Variants in KCNQ5 observed in about 807,000 individuals in gnomAD.
The protein encoded by KCNQ5 is potassium voltage-gated channel subfamily Q member 5.
KCNQ5 carries 30 observed loss-of-function variants against 98.2 expected under a neutral mutation model. The ratio of observed to expected loss-of-function variants is 0.31; its 90% CI spans 0.23 to 0.41. The LOEUF (loss-of-function observed/expected upper bound fraction) is 0.41. Ranked by LOEUF, KCNQ5 falls within the 10% of genes least tolerant of loss-of-function variation. The pLI, the probability that KCNQ5 is intolerant of heterozygous loss-of-function variation, is 1.00. For synonymous variants in KCNQ5, 458 were observed against 449.4 expected (o/e 1.02, Z -0.24); for missense variants, 835 against 1,182.5 (o/e 0.71, Z 4.31).
At chr6:72,740,182 A>G (rs532295127) in intron 1 of KCNQ5, among the ~76,000 whole-genome samples, 1 of 152,186 alleles carries the variant, frequency 6.6e-6, no homozygotes, top group African/African-American at 2.4e-5. Context: ...TTTTTCAACT[A>G]TCTTCAGTTC....
chr6:72,794,982 A>G (rs1457505465), intron 1 of KCNQ5, among the ~76,000 whole-genome samples: 2 of 152,194 alleles, frequency 1.3e-5, no homozygotes, highest in Non-Finnish European at 2.9e-5. Context: ...GCATAGCTAG[A>G]TACAAGGAAT....
chr6:73,052,436 G>C (rs775407351), intron 3 of KCNQ5, among the ~76,000 whole-genome samples: 3 of 152,130 alleles, frequency 2.0e-5, no homozygotes, highest in Non-Finnish European at 2.9e-5. Flanking sequence ...ACACATACTT[G>C]TCAGATTCTC....
At chr6:73,078,419 A>C (rs1432238760) in intron 5 of KCNQ5, among the ~76,000 whole-genome samples, 1 of 152,194 alleles carries the variant, frequency 6.6e-6, no homozygotes, top group Non-Finnish European at 1.5e-5. Context: ...TTATTAAAGA[A>C]TAATTTTCCA....
chr6:72,763,004 G>A (rs900571171), intron 1 of KCNQ5, among the ~76,000 whole-genome samples: 1 of 151,900 alleles, frequency 6.6e-6, no homozygotes, highest in Non-Finnish European at 1.5e-5. Context: ...ATATTGATAA[G>A]CTATTATCCA....
chr6:72,638,068 G>A (rs1480135222), intron 1 of KCNQ5, among the ~76,000 whole-genome samples: 1 of 152,142 alleles, frequency 6.6e-6, no homozygotes, highest in Non-Finnish European at 1.5e-5. Flanking sequence ...AGATCGTCCT[G>A]CAATCCTTCC....
chr6:73,182,437 G>T (rs1056484584), intron 11 of KCNQ5, among the ~76,000 whole-genome samples: 1 of 152,084 alleles, frequency 6.6e-6, no homozygotes, highest in African/African-American at 2.4e-5. Context: ...CAGAAGGTCT[G>T]GGCTAGCCTA....
chr6:73,179,749 A>G (rs981456929), intron 11 of KCNQ5, among the ~76,000 whole-genome samples: 2 of 152,176 alleles, frequency 1.3e-5, no homozygotes, highest in Non-Finnish European at 2.9e-5. Flanking sequence ...AAGCACTGTC[A>G]TCTCCTCCAG....
intron 1 of KCNQ5, chr6:72,986,581 C>T (rs547493764): frequency 1.6e-6 from 1 of 625,516 alleles, no homozygotes; most frequent in Non-Finnish European, 2.9e-6. Context: ...AGGGTGTCAG[C>T]ACCCTTTGTG....
At chr6:73,034,555 AAAC>A (rs1771303214) in intron 2 of KCNQ5, among the ~76,000 whole-genome samples, 1 of 152,254 alleles carries the variant, frequency 6.6e-6, no homozygotes, top group Admixed American at 6.5e-5. Flanking sequence ...ATTAATGAGA[AAAC>A]AACTGGTACA....
At chr6:73,091,625 G>A (rs1039991689) in intron 5 of KCNQ5, among the ~76,000 whole-genome samples, 5 of 152,084 alleles carry the variant, frequency 3.3e-5, no homozygotes, top group Non-Finnish European at 7.4e-5. Context: ...ATTGGTCTAT[G>A]TGCATATTTT....
chr6:72,811,094 C>T (rs756104192), intron 1 of KCNQ5, among the ~76,000 whole-genome samples: 45 of 152,292 alleles, frequency 3.0e-4, no homozygotes, highest in Non-Finnish European at 5.6e-4. Flanking sequence ...GCACAGATCT[C>T]GCCTGGTGGC....
chr6:72,965,017 T>G (rs1767538250), intron 1 of KCNQ5, among the ~76,000 whole-genome samples: 1 of 152,164 alleles, frequency 6.6e-6, no homozygotes, highest in Admixed American at 6.6e-5. Flanking sequence ...CTCACTACGT[T>G]TCCTAGGCTG....
intron 1 of KCNQ5, among the ~76,000 whole-genome samples, chr6:72,908,369 A>G (rs1339871376): frequency 6.6e-6 from 1 of 152,098 alleles, no homozygotes; most frequent in African/African-American, 2.4e-5. Flanking sequence ...TCTTGTCACA[A>G]AAAAAGTAAT....
intron 1 of KCNQ5, among the ~76,000 whole-genome samples, chr6:72,972,456 C>T (rs1019048055): frequency 7.2e-5 from 11 of 151,850 alleles, no homozygotes; most frequent in African/African-American, 2.7e-4. Context: ...TGGTGGTTTG[C>T]TGCATCTATT....
Position 72,746,064 on chromosome 6 carries a change from C to CAAAAAAA in KCNQ5, c.398+123511_398+123517dup, listed in dbSNP as rs59726566. Among the ~76,000 whole-genome samples, 60 of 80,200 alleles carry CAAAAAAA rather than the reference C, an allele frequency of 7.5e-4. 1 individual carries two copies. Among genetic ancestry groups the CAAAAAAA allele is most frequent in the African/African-American group, 2.1e-3 (59 of 28,678 alleles). 52.6% of individuals were successfully genotyped at this position (80,200 alleles called of 152,430 possible). The stretch of plus-strand genomic sequence containing the variant: ...ATTATATCCGCAAAGACTCTATTTG[C>CAAAAAAA]AAAAAAAAAAAAAAAAAAAAAAAAA... On this transcript the variant is annotated intron_variant, in intron 1 of 13. Coordinates refer to ENST00000370398, the MANE Select transcript of KCNQ5 (RefSeq NM_019842.4).
chr6:72,930,264 T>A (rs1228944799), intron 1 of KCNQ5, among the ~76,000 whole-genome samples: 3 of 152,140 alleles, frequency 2.0e-5, no homozygotes, highest in Non-Finnish European at 4.4e-5. Context: ...GAAAAAGATA[T>A]CCACTAACGT....
chr6:72,958,853 G>A (rs781231117), intron 1 of KCNQ5, among the ~76,000 whole-genome samples: 2 of 152,140 alleles, frequency 1.3e-5, no homozygotes, highest in Non-Finnish European at 2.9e-5. Flanking sequence ...AACACATTAG[G>A]GAGAGATGTT....
At chr6:72,965,566 G>T (rs1042265712) in intron 1 of KCNQ5, among the ~76,000 whole-genome samples, 2 of 152,008 alleles carry the variant, frequency 1.3e-5, no homozygotes, top group African/African-American at 4.8e-5. Flanking sequence ...TGGCCTCATC[G>T]GGAATGTGAA....
intron 1 of KCNQ5, among the ~76,000 whole-genome samples, chr6:72,723,611 C>G (rs1770090638): frequency 6.6e-6 from 1 of 152,178 alleles, no homozygotes; most frequent in Non-Finnish European, 1.5e-5. Context: ...CTAGGAACCT[C>G]TATTCTCCCC....
Sources: allele counts gnomAD v4.1 joint callset (sites outside exome capture counted in the v4.1 genomes callset), GRCh38; gene constraint gnomAD v4.1.1; transcripts MANE v1.5; gene names NCBI Gene and HGNC (gene_info 2026-07-23, HGNC 2026-07-21).